CNTNAP4: variants seen among roughly 807,000 people sequenced by gnomAD.
The protein encoded by CNTNAP4 is contactin-associated protein-like 4.
CNTNAP4 carries 98 observed loss-of-function variants against 148.4 expected under a neutral mutation model. That is an observed-to-expected ratio of 0.66 (90% confidence interval 0.56 to 0.78). The LOEUF (loss-of-function observed/expected upper bound fraction) is 0.78. Among genes scored for constraint, CNTNAP4 ranks in the 30% least tolerant of loss-of-function variants. The probability of loss-of-function intolerance (pLI) is 0.00; values close to 1 mark genes in which losing one functional copy is unlikely to be tolerated. For synonymous variants in CNTNAP4, 730 were observed against 565.1 expected, an observed-to-expected ratio of 1.29 and a Z score of -4.14; for missense variants, 1,935 against 1,565.6, an observed-to-expected ratio of 1.24 and a Z score of -3.98.
intron 9 of CNTNAP4, among the ~76,000 whole-genome samples, chr16:76,463,377 T>G (rs549448126): frequency 2.6e-5 from 4 of 152,298 alleles, no homozygotes; most frequent in Admixed American, 2.0e-4. Flanking sequence ...CTTCACATAT[T>G]TTATGTCCTT....
At chr16:76,405,063 G>T (rs1163223314) in intron 3 of CNTNAP4, among the ~76,000 whole-genome samples, 1 of 152,234 alleles carries the variant, frequency 6.6e-6, no homozygotes, top group East Asian at 1.9e-4. Context: ...ATAAATGCAT[G>T]TATTTCAAAT....
chr16:76,553,748 CTG>C (rs1375724541), intron 22 of CNTNAP4, 86 bp from the exon 23 acceptor site: 3 of 830,224 alleles, frequency 3.6e-6, no homozygotes, highest in Admixed American at 2.4e-5. Flanking sequence ...CCATAATTCT[CTG>C]TGGTTTAAAA....
At chr16:76,526,516 C>T (rs2083739981) in intron 17 of CNTNAP4, among the ~76,000 whole-genome samples, 1 of 152,100 alleles carries the variant, frequency 6.6e-6, no homozygotes, top group African/African-American at 2.4e-5. Flanking sequence ...GATGGTGCTG[C>T]AGGCTAAAGT....
At position 76,540,735 on chromosome 16, in the gene CNTNAP4, G is replaced by A; in HGVS notation, c.3387G>A (p.Leu1129=). 2 of 1,576,964 alleles carry A rather than the reference G, an allele frequency of 1.3e-6. No individual in the cohort carries two copies. The highest frequency in any genetic ancestry group is 1.7e-6 in the Non-Finnish European group (2 of 1,159,432). The change falls in exon 21 of 24, where the codon CTG becomes CTA. Residue 1129 remains leucine, a synonymous_variant. Transcript: ENST00000611870. ...IDDNRRRQVH[L]SSGTEFSAVK... ...ATAATAGAAGGAGACAAGTTCACCTGTCATCAGGCACAGAATTCAGTGCAG... is the reference window on the plus strand; with the variant it reads ...ATAATAGAAGGAGACAAGTTCACCTATCATCAGGCACAGAATTCAGTGCAG...
chr16:76,413,409 C>G (rs569017538), intron 3 of CNTNAP4, among the ~76,000 whole-genome samples: 1 of 151,194 alleles, frequency 6.6e-6, no homozygotes, highest in Non-Finnish European at 1.5e-5. Flanking sequence ...TTTTTCTCCC[C>G]ACTGCTCTGC....
chr16:76,372,306 A>ATTT (rs57362303), intron 3 of CNTNAP4, among the ~76,000 whole-genome samples: 149 of 140,496 alleles, frequency 1.1e-3, no homozygotes, highest in African/African-American at 2.4e-3. Flanking sequence ...GGCCCAGCTA[A>ATTT]TTTTTTTTTT....
intron 13 of CNTNAP4, among the ~76,000 whole-genome samples, chr16:76,492,531 A>G (rs4888517): frequency 0.84 from 127,164 of 152,078 alleles, 54,117 homozygotes; most frequent in East Asian, 0.97. Context: ...ACAGAGTAAA[A>G]GGGCTTGATA....
chr16:76,278,052 A>G (rs1958548728), intron 1 of CNTNAP4, among the ~76,000 whole-genome samples: 1 of 152,154 alleles, frequency 6.6e-6, no homozygotes, highest in Admixed American at 6.5e-5. Context: ...TTATCGGGGG[A>G]ATAGCCTGTG....
intron 1 of CNTNAP4, among the ~76,000 whole-genome samples, chr16:76,312,495 T>A (rs923147615): frequency 1.3e-5 from 2 of 152,140 alleles, no homozygotes; most frequent in Admixed American, 6.5e-5. Context: ...GAGAAAAATA[T>A]CATGTTTACT....
At chr16:76,327,134 G>A (rs918304180) in intron 2 of CNTNAP4, among the ~76,000 whole-genome samples, 2 of 152,088 alleles carry the variant, frequency 1.3e-5, no homozygotes, top group African/African-American at 2.4e-5. Context: ...CAGGTTTTGG[G>A]TATGACTGAA....
intron 2 of CNTNAP4, among the ~76,000 whole-genome samples, chr16:76,353,542 G>A (rs1443426851): frequency 6.6e-6 from 1 of 152,080 alleles, no homozygotes; most frequent in Non-Finnish European, 1.5e-5. Context: ...CGGTTGTTAA[G>A]CATCATTGCT....
chr16:76,423,860 A>G (rs1219750453), intron 3 of CNTNAP4, among the ~76,000 whole-genome samples: 2 of 152,232 alleles, frequency 1.3e-5, no homozygotes, highest in Non-Finnish European at 2.9e-5. Context: ...AAGTATCCAG[A>G]GTGCTACTAA....
intron 17 of CNTNAP4, among the ~76,000 whole-genome samples, chr16:76,526,579 G>A (rs2144159092): frequency 6.6e-6 from 1 of 152,284 alleles, no homozygotes; most frequent in South Asian, 2.1e-4. Context: ...GGTCATTGAT[G>A]TTAGTGTTTT....
At chr16:76,403,161 C>G (rs930600398) in intron 3 of CNTNAP4, among the ~76,000 whole-genome samples, 1 of 150,948 alleles carries the variant, frequency 6.6e-6, no homozygotes, top group African/African-American at 2.4e-5. Context: ...GGCGCGATCT[C>G]GACTCACTGC....
intron 2 of CNTNAP4, among the ~76,000 whole-genome samples, chr16:76,330,765 A>C (rs1399428938): frequency 6.6e-6 from 1 of 152,236 alleles, no homozygotes; most frequent in Non-Finnish European, 1.5e-5. Context: ...GTAAAAATAC[A>C]GAAAGAGCTT....
intron 8 of CNTNAP4, among the ~76,000 whole-genome samples, chr16:76,460,387 G>T (rs544340122): frequency 2.6e-4 from 39 of 151,884 alleles, no homozygotes; most frequent in African/African-American, 9.4e-4. Context: ...GGGATTACAG[G>T]CATGAGCCAC....
intron 2 of CNTNAP4, among the ~76,000 whole-genome samples, chr16:76,337,303 T>C (rs1221988234): frequency 6.6e-6 from 1 of 152,176 alleles, no homozygotes; most frequent in Non-Finnish European, 1.5e-5. Flanking sequence ...GTGTAGGTTC[T>C]TTTCTATTTT....
intron 3 of CNTNAP4, among the ~76,000 whole-genome samples, chr16:76,424,188 A>AT (rs2079295109): frequency 6.6e-6 from 1 of 152,134 alleles, no homozygotes. Context: ...GTCTTATTCC[A>AT]TTTACCTGTT....
At chr16:76,359,919 C>T (rs1263619548) in intron 3 of CNTNAP4, among the ~76,000 whole-genome samples, 1 of 152,124 alleles carries the variant, frequency 6.6e-6, no homozygotes, top group Non-Finnish European at 1.5e-5. Flanking sequence ...AAATAGATAA[C>T]ATGTGCAGGA....
Sources: allele counts gnomAD v4.1 joint callset (sites outside exome capture counted in the v4.1 genomes callset), GRCh38; gene constraint gnomAD v4.1.1; transcripts MANE v1.5; gene names NCBI Gene and HGNC (gene_info 2026-07-23, HGNC 2026-07-21).